NRXN1: variants seen among roughly 807,000 people sequenced by gnomAD.
The protein encoded by NRXN1 is neurexin-1.
In NRXN1, 39 loss-of-function variants were observed where a neutral mutation model predicts 150.9. The observed-to-expected ratio is 0.26, with a 90% confidence interval of 0.20 to 0.34. NRXN1 has a LOEUF of 0.34. Ranked by LOEUF, NRXN1 falls within the 10% of genes least tolerant of loss-of-function variation. The probability of loss-of-function intolerance (pLI) is 1.00; values close to 1 mark genes in which losing one functional copy is unlikely to be tolerated. For synonymous variants in NRXN1, 924 were observed against 757.0 expected, an observed-to-expected ratio of 1.22 and a Z score of -3.62; for missense variants, 1,815 against 1,949.9, an observed-to-expected ratio of 0.93 and a Z score of 1.30.
intron 5 of NRXN1, among the ~76,000 whole-genome samples, chr2:50,716,353 A>G (rs529744628): frequency 6.6e-6 from 1 of 152,126 alleles, no homozygotes; most frequent in Non-Finnish European, 1.5e-5. Context: ...AGGAAGCCGC[A>G]ATCTACAGTA....
At chr2:50,275,686 T>A (rs1044002378) in intron 17 of NRXN1, among the ~76,000 whole-genome samples, 1 of 152,144 alleles carries the variant, frequency 6.6e-6, no homozygotes, top group African/African-American at 2.4e-5. Flanking sequence ...CTAATTCACT[T>A]ACATTACCAA....
intron 2 of NRXN1, among the ~76,000 whole-genome samples, chr2:50,933,153 G>A (rs1348209025): frequency 6.6e-6 from 1 of 152,010 alleles, no homozygotes; most frequent in African/African-American, 2.4e-5. Flanking sequence ...CTAACCACTA[G>A]AAATCAAAGA....
chr2:50,800,411 T>C (rs1331571771), intron 5 of NRXN1, among the ~76,000 whole-genome samples: 1 of 152,210 alleles, frequency 6.6e-6, no homozygotes, highest in Admixed American at 6.5e-5. Flanking sequence ...ATTTTTGTAC[T>C]AATTTATCTA....
intron 19 of NRXN1, among the ~76,000 whole-genome samples, chr2:50,072,865 T>C (rs535447157): frequency 1.9e-4 from 29 of 152,174 alleles, no homozygotes; most frequent in Non-Finnish European, 4.0e-4. Context: ...ACAAAAAGAC[T>C]TGAGTACTAT....
intron 2 of NRXN1, among the ~76,000 whole-genome samples, chr2:51,006,128 C>G (rs1400754120): frequency 6.6e-6 from 1 of 151,806 alleles, no homozygotes; most frequent in African/African-American, 2.4e-5. Flanking sequence ...ATTGACATTT[C>G]TTATAAGAAC....
At chr2:50,842,339 G>C (rs1467720316) in intron 5 of NRXN1, among the ~76,000 whole-genome samples, 1 of 152,170 alleles carries the variant, frequency 6.6e-6, no homozygotes, top group Non-Finnish European at 1.5e-5. Context: ...AATTAATGGA[G>C]GGAAGAATGT....
chr2:50,369,153 T>A (rs372900770), intron 17 of NRXN1, among the ~76,000 whole-genome samples: 3 of 152,082 alleles, frequency 2.0e-5, no homozygotes, highest in African/African-American at 7.2e-5. Flanking sequence ...TAATCCTATA[T>A]ATTTTCATTC....
intron 5 of NRXN1, among the ~76,000 whole-genome samples, chr2:50,681,098 G>A (rs1690318986): frequency 1.3e-5 from 2 of 152,112 alleles, no homozygotes; most frequent in Non-Finnish European, 2.9e-5. Context: ...AAAAAACAGA[G>A]AAGTTGGTCT....
At chr2:50,146,273 T>C (rs1403860953) in intron 18 of NRXN1, among the ~76,000 whole-genome samples, 3 of 151,694 alleles carry the variant, frequency 2.0e-5, no homozygotes, top group Non-Finnish European at 4.4e-5. Flanking sequence ...AGTGTGGTGA[T>C]TCCTCAAGGA....
intron 2 of NRXN1, among the ~76,000 whole-genome samples, chr2:50,998,523 G>C (rs1699617209): frequency 6.6e-6 from 1 of 151,958 alleles, no homozygotes; most frequent in Non-Finnish European, 1.5e-5. Flanking sequence ...TATCCTATTT[G>C]ATTCTATTAG....
chr2:50,712,564 T>G (rs1289548531), intron 5 of NRXN1, among the ~76,000 whole-genome samples: 2 of 152,268 alleles, frequency 1.3e-5, no homozygotes, highest in East Asian at 3.9e-4. Context: ...TTAGATACGT[T>G]ATCTCATTTT....
At chr2:50,779,562 A>C (rs1362751940) in intron 5 of NRXN1, among the ~76,000 whole-genome samples, 1 of 152,014 alleles carries the variant, frequency 6.6e-6, no homozygotes, top group Non-Finnish European at 1.5e-5. Context: ...AGGTCAGGAG[A>C]CCGAGACCAT....
intron 4 of NRXN1, among the ~76,000 whole-genome samples, chr2:50,922,135 CA>C (rs901254444): frequency 2.6e-5 from 4 of 151,770 alleles, no homozygotes; most frequent in African/African-American, 7.3e-5. Flanking sequence ...AAAGATCACA[CA>C]AAAGAGAGAC....
In NRXN1 at chr2:49,964,537, G is replaced by A. The variant is rs558953730; in HGVS notation, c.4129-20746C>T. ...GGAGGTTGCGGTGAGCCGAGATCAC[G>A]CCATTGCACTTCAGCAAAAAAGCCA... On this transcript the variant is annotated intron_variant, in intron 21 of 22. Transcript: ENST00000401669. Among the ~76,000 whole-genome samples, 75 of 151,014 alleles carry A rather than the reference G, an allele frequency of 5.0e-4. No individual in the cohort carries two copies. The South Asian group carries it at 0.011, about 22-fold the overall frequency.
intron 5 of NRXN1, among the ~76,000 whole-genome samples, chr2:50,906,570 T>A (rs113029806): frequency 0.025 from 3,840 of 152,252 alleles, 69 homozygotes; most frequent in Middle Eastern, 0.071. Flanking sequence ...CTGCATTTTT[T>A]AAATCTGTTC....
chr2:50,012,638 C>G (rs1413938748), intron 21 of NRXN1, among the ~76,000 whole-genome samples: 2 of 152,084 alleles, frequency 1.3e-5, no homozygotes, highest in East Asian at 1.9e-4. Context: ...TCATATGGCT[C>G]TTGCCATAAC....
chr2:50,477,162 G>A (rs745804995), intron 15 of NRXN1, among the ~76,000 whole-genome samples: 14 of 152,040 alleles, frequency 9.2e-5, no homozygotes, highest in Non-Finnish European at 1.6e-4. Flanking sequence ...TGGAAGAGAG[G>A]AGTTTTCAGT....
intron 17 of NRXN1, among the ~76,000 whole-genome samples, chr2:50,273,528 T>A (rs974080896): frequency 1.3e-5 from 2 of 152,154 alleles, no homozygotes; most frequent in African/African-American, 4.8e-5. Flanking sequence ...TTAACTTTAA[T>A]GTGCAAATCT....
rs528931833 is a variant in NRXN1 at position 49,965,119 on chromosome 2, A to G, written c.4129-21328T>C. The stretch of plus-strand genomic sequence containing the variant: ...GGTCTCAAACTCCTGAGCTCCAATG[A>G]TCCACCTGCCTTGGCCTCCCAAAGT... On this transcript the variant is annotated intron_variant, in intron 21 of 22. Transcript: ENST00000401669. Among the ~76,000 whole-genome samples, 265 of 152,062 alleles carry G rather than the reference A, an allele frequency of 1.7e-3. 2 individuals carry two copies. The highest frequency in any genetic ancestry group is 6.3e-3 in the African/African-American group (260 of 41,520).
Sources: gnomAD v4.1 joint callset for allele counts (sites outside exome capture counted in the v4.1 genomes callset) on GRCh38, gnomAD v4.1.1 for gene constraint, MANE v1.5 for transcripts, NCBI Gene and HGNC (gene_info 2026-07-23, HGNC 2026-07-21) for gene names.